MYO16: variants seen among roughly 807,000 people sequenced by gnomAD.
The protein encoded by MYO16 is unconventional myosin-XVI.
MYO16 carries 94 observed loss-of-function variants against 205.3 expected under a neutral mutation model. The ratio of observed to expected loss-of-function variants is 0.46; its 90% confidence interval spans 0.39 to 0.54. The LOEUF (loss-of-function observed/expected upper bound fraction) is 0.54, where lower values mean the gene tolerates loss of function less well. MYO16 is among the 20% of genes least tolerant of loss of function. The pLI is 0.00. For synonymous variants in MYO16, 988 were observed against 954.0 expected (o/e 1.04, Z -0.66); for missense variants, 2,315 against 2,387.5 (o/e 0.97, Z 0.63).
At chr13:108,792,356 G>T (rs112403437) in intron 5 of MYO16, among the ~76,000 whole-genome samples, 2 of 152,060 alleles carry the variant, frequency 1.3e-5, no homozygotes, top group East Asian at 3.9e-4. Flanking sequence ...TAAAGACAGC[G>T]CAGAGTTCCC....
At chr13:108,580,496 C>T in the MYO16 span, among the ~76,000 whole-genome samples, 11 of 152,106 alleles carry the variant, frequency 7.2e-5, no homozygotes, top group African/African-American at 9.7e-5. Flanking sequence ...TCTCTTTTTG[C>T]GCTCAATTTA....
rs138108851 is a variant in MYO16, at chr13:108,838,690, TAC to T, written c.1098-5634_1098-5633del. ...CAAAAAAAAAAAAAATATATATATATACACACACACACACACACACTATACAT... is the reference window on the plus strand; with the variant it reads ...CAAAAAAAAAAAAAATATATATATATACACACACACACACACACTATACAT... On this transcript the variant is annotated intron_variant, in intron 9 of 34. Coordinates refer to ENST00000457511, the MANE Select transcript of MYO16 (RefSeq NM_001198950.3). 4.2e-3 allele frequency among the ~76,000 whole-genome samples: 566 copies of T among 135,916 alleles called. 5 individuals carry two copies. Among genetic ancestry groups the T allele is most frequent in the African/African-American group, 0.014 (514 of 35,822 alleles). The allele number at this position is 135,916 out of a possible 152,430, so 89.2% of individuals were successfully genotyped here. A position where few individuals can be genotyped will look rare whatever the true frequency, so the allele number is the denominator to read the frequency against.
chr13:108,924,607 C>G (rs115648513), intron 16 of MYO16, among the ~76,000 whole-genome samples: 1,760 of 152,208 alleles, frequency 0.012, 37 homozygotes, highest in African/African-American at 0.04. Context: ...CCAGACGTAC[C>G]CTGCTTACTG....
chr13:108,936,141 CTTCCTTCT>C (rs1175628971), intron 16 of MYO16, among the ~76,000 whole-genome samples: 5 of 106,462 alleles, frequency 4.7e-5, no homozygotes, highest in African/African-American at 1.3e-4. Flanking sequence ...TCCTTCCTTC[CTTCCTTCT>C]TTCCTTCCTT....
At chr13:108,599,687 A>G (rs980443320) in intron 1 of MYO16, among the ~76,000 whole-genome samples, 2 of 152,116 alleles carry the variant, frequency 1.3e-5, no homozygotes, top group African/African-American at 4.8e-5. Context: ...GCCCGCTGTG[A>G]GGTTTCTGTG....
rs1566481323 is a variant in MYO16, at chr13:109,049,925, C to CGTGT, written c.2873-2375_2873-2374insGTGT. 7.1e-4 allele frequency among the ~76,000 whole-genome samples: 81 copies of CGTGT among 113,430 alleles called. 1 individual carries two copies. In the South Asian group the frequency reaches 0.013, roughly 18 times the overall value. The allele number at this position is 113,430 out of a possible 152,430, so 74.4% of individuals were successfully genotyped here. ...TTGTTCTCCTCTTTCCTTCCTTTGT[C>CGTGT]CTGTGTGTGTGTGTGTGTGTGTGTG... On this transcript the variant is annotated intron_variant, in intron 24 of 34. Coordinates refer to ENST00000457511, the MANE Select transcript of MYO16 (RefSeq NM_001198950.3).
chr13:108,951,792 C>A (rs556500645), intron 16 of MYO16, among the ~76,000 whole-genome samples: 86 of 152,198 alleles, frequency 5.7e-4, no homozygotes, highest in Middle Eastern at 3.4e-3. Context: ...ATCAAGACAC[C>A]TCTTCACTGC....
At chr13:108,929,272 A>G (rs1005498324) in intron 16 of MYO16, among the ~76,000 whole-genome samples, 1 of 152,220 alleles carries the variant, frequency 6.6e-6, no homozygotes, top group Admixed American at 6.5e-5. Flanking sequence ...GAAGAAATCC[A>G]TGGTTCCTTT....
intron 4 of MYO16, among the ~76,000 whole-genome samples, chr13:108,768,645 A>C (rs1435941713): frequency 6.6e-6 from 1 of 152,214 alleles, no homozygotes; most frequent in African/African-American, 2.4e-5. Flanking sequence ...ATAGTGTAAA[A>C]TATTTTCCAA....
chr13:109,119,417 T>C (rs574487924), intron 28 of MYO16, among the ~76,000 whole-genome samples: 10 of 152,184 alleles, frequency 6.6e-5, no homozygotes, highest in Admixed American at 4.6e-4. Flanking sequence ...TAACAGAATA[T>C]CATCTCAGAG....
intron 3 of MYO16, among the ~76,000 whole-genome samples, chr13:108,725,767 G>T (rs1482638232): frequency 6.6e-6 from 1 of 152,034 alleles, no homozygotes; most frequent in East Asian, 1.9e-4. Flanking sequence ...GTGCAGCTTT[G>T]TCCTCTCTGC....
At chr13:108,659,931 G>C (rs1263809243) in intron 1 of MYO16, among the ~76,000 whole-genome samples, 1 of 152,124 alleles carries the variant, frequency 6.6e-6, no homozygotes, top group African/African-American at 2.4e-5. Context: ...TACGGTTGAA[G>C]GATAGTAATT....
At chr13:108,628,611 C>T (rs1205770845), upstream of MYO16, among the ~76,000 whole-genome samples, 6 of 152,098 alleles carry the variant, frequency 3.9e-5, no homozygotes, top group Non-Finnish European at 7.4e-5. Flanking sequence ...TTTTACATCA[C>T]GCTACTAAAA....
At chr13:108,654,621 C>T (rs927760433) in intron 1 of MYO16, among the ~76,000 whole-genome samples, 11 of 152,124 alleles carry the variant, frequency 7.2e-5, no homozygotes, top group Non-Finnish European at 1.5e-5. Flanking sequence ...AACTGCATAA[C>T]AGGCAGAGGT....
intron 24 of MYO16, among the ~76,000 whole-genome samples, chr13:109,049,976 G>GTGTGTGT (rs1215274290): frequency 7.8e-6 from 1 of 127,712 alleles, no homozygotes; most frequent in African/African-American, 3.0e-5. Flanking sequence ...GTGTGTGTGT[G>GTGTGTGT]TTTACTTTCT....
chr13:108,648,284 T>A (rs1409972491), intron 1 of MYO16, among the ~76,000 whole-genome samples: 1 of 152,224 alleles, frequency 6.6e-6, no homozygotes, highest in Non-Finnish European at 1.5e-5. Context: ...GGTGTCTCCA[T>A]ATCCCAGGAG....
rs941536539 is a variant in MYO16, at chr13:109,125,517, A to C, written c.3782+159A>C. 6.6e-6 allele frequency among the ~76,000 whole-genome samples: 1 copy of C among 152,206 alleles called. No individual in the cohort carries two copies. Among genetic ancestry groups the C allele is most frequent in the African/African-American group, 2.4e-5 (1 of 41,466 alleles). ...TATTCGAAATGGCAGCAGTCTAAAA[A>C]GATGCTTTCCTGTGCTGTCTTCTCA... On this transcript the variant is annotated intron_variant, in intron 30 of 34. Coordinates refer to ENST00000457511, the MANE Select transcript of MYO16 (RefSeq NM_001198950.3). The surrounding 1 kb of genome is among the most constrained non-coding windows in gnomAD (Gnocchi z 4.0).
At chr13:109,094,505 C>G (rs935506731) in intron 27 of MYO16, among the ~76,000 whole-genome samples, 3 of 152,178 alleles carry the variant, frequency 2.0e-5, no homozygotes, top group Non-Finnish European at 4.4e-5. Flanking sequence ...GCCACTGTTC[C>G]CAGCCCTTAT....
intron 34 of MYO16, 48 bp from the exon 35 acceptor site, chr13:109,206,561 C>A (rs1880604639): frequency 2.1e-6 from 3 of 1,404,288 alleles, no homozygotes; most frequent in East Asian, 2.3e-5. Flanking sequence ...CATACTCATT[C>A]ACAATATTTG....
Sources: allele counts gnomAD v4.1 joint callset (sites outside exome capture counted in the v4.1 genomes callset), GRCh38; gene constraint gnomAD v4.1.1; non-coding constraint Gnocchi (gnomAD v3.1); transcripts MANE v1.5; gene names NCBI Gene and HGNC (gene_info 2026-07-23, HGNC 2026-07-21).